Variants in ANK2 observed in about 807,000 individuals in gnomAD.
ANK2 encodes ankyrin-2.
ANK2 carries 83 observed loss-of-function variants against 360.5 expected under a neutral mutation model. The ratio of observed to expected loss-of-function variants is 0.23; its 90% CI spans 0.19 to 0.28. The LOEUF is 0.28. Ranked by LOEUF, ANK2 falls within the 10% of genes least tolerant of loss-of-function variation. The pLI, the probability that ANK2 is intolerant of heterozygous loss-of-function variation, is 1.00. For missense variants in ANK2, 4,201 were observed against 4,795.7 expected, an observed-to-expected ratio of 0.88 and a Z score of 3.66; for synonymous variants, 1,740 against 1,759.5, an observed-to-expected ratio of 0.99 and a Z score of 0.28.
At chr4:113,232,908 A>G (rs964885050) in intron 5 of ANK2, among the ~76,000 whole-genome samples, 1 of 151,768 alleles carries the variant, frequency 6.6e-6, no homozygotes, top group African/African-American at 2.4e-5. Context: ...TTTCCCTCTC[A>G]TTTTTGCTTA....
chr4:113,077,486 G>C (rs1189489432), intron 1 of ANK2, among the ~76,000 whole-genome samples: 1 of 152,110 alleles, frequency 6.6e-6, no homozygotes, highest in Non-Finnish European at 1.5e-5. Context: ...GTTGTTTTAA[G>C]AGTGGTTCAG....
intron 1 of ANK2, among the ~76,000 whole-genome samples, chr4:113,166,715 A>G (rs1464060040): frequency 6.6e-6 from 1 of 152,072 alleles, no homozygotes; most frequent in Non-Finnish European, 1.5e-5. Context: ...ATGAGTATTC[A>G]GAACTTTTTA....
At chr4:113,225,452 T>A (rs1416459005) in intron 4 of ANK2, among the ~76,000 whole-genome samples, 1 of 152,170 alleles carries the variant, frequency 6.6e-6, no homozygotes, top group East Asian at 1.9e-4. Flanking sequence ...TATATTAAGA[T>A]AAAAGTAATT....
At chr4:112,832,065 C>T (rs565917806) in intron 1 of ANK2, among the ~76,000 whole-genome samples, 2 of 152,144 alleles carry the variant, frequency 1.3e-5, no homozygotes, top group African/African-American at 2.4e-5. Flanking sequence ...CCACCAATTC[C>T]GGACACAAGA....
At chr4:113,296,842 G>A (rs184683905) in intron 22 of ANK2, among the ~76,000 whole-genome samples, 3 of 152,020 alleles carry the variant, frequency 2.0e-5, no homozygotes, top group Non-Finnish European at 4.4e-5. Context: ...TCATCCTTCC[G>A]CTAATTGATC....
intron 31 of ANK2, among the ~76,000 whole-genome samples, chr4:113,338,543 CTTTTTTTTTTT>C (rs71582166): frequency 2.5e-4 from 24 of 96,108 alleles, no homozygotes; most frequent in African/African-American, 1.0e-3. Context: ...AGATTGTTCA[CTTTTTTTTTTT>C]TTTTTTTTTT....
At chr4:112,788,844 A>G in the ANK2 span, 1 of 875,220 alleles carries the variant, frequency 1.1e-6, no homozygotes, top group South Asian at 1.4e-5. Context: ...GGCCGGAGCC[A>G]CCTTCTTTCC....
intron 5 of ANK2, among the ~76,000 whole-genome samples, 162 bp from the exon 6 acceptor site, chr4:113,236,825 A>G (rs1007001697): frequency 6.6e-6 from 1 of 152,248 alleles, no homozygotes; most frequent in African/African-American, 2.4e-5. Flanking sequence ...ATTCCATAAT[A>G]TGATGGATAA....
In ANK2 at chr4:112,935,678, T is replaced by C. The variant is rs143559932; in HGVS notation, c.21+31164T>C. Among the ~76,000 whole-genome samples the C allele has an allele frequency of 4.7e-4, 72 of 152,064 alleles. No individual in the cohort carries two copies. The East Asian group carries it at 0.013, about 27-fold the overall frequency. On this transcript the variant is annotated intron_variant, in intron 2 of 30. Coordinates refer to the ANK2 transcript ENST00000503271. Reference sequence around the variant, plus strand: ...GCAACATGGCAAAACCCCGTCTTTATAAAAAATACAAAAATTAGTTGGGTG... The same window carrying C: ...GCAACATGGCAAAACCCCGTCTTTACAAAAAATACAAAAATTAGTTGGGTG...
At chr4:112,904,583 T>C (rs921351940) in intron 2 of ANK2, 4 of 1,209,936 alleles carry the variant, frequency 3.3e-6, no homozygotes, top group Non-Finnish European at 4.6e-6. Context: ...AGAATGTAAT[T>C]AAGTACTATT....
At position 112,902,579 on chromosome 4, in the gene ANK2, C is replaced by T. The variant is rs551063584; in HGVS notation, c.-39-1876C>T. 1.2e-4 allele frequency among the ~76,000 whole-genome samples: 18 copies of T among 152,264 alleles called. No individual in the cohort carries two copies. The South Asian group carries it at 2.3e-3, about 19-fold the overall frequency. On this transcript the variant is annotated intron_variant, in intron 1 of 30. Coordinates refer to the ANK2 transcript ENST00000503271. The stretch of plus-strand genomic sequence containing the variant: ...TTATTTCAATTTGATTAGTCTTTTT[C>T]GTAGAAAGTTCTTATGAATGCTTAA...
chr4:113,220,834 A>G (rs1017461992), intron 4 of ANK2, among the ~76,000 whole-genome samples: 1 of 152,266 alleles, frequency 6.6e-6, no homozygotes, highest in Non-Finnish European at 1.5e-5. Context: ...TAAGGAAAAT[A>G]AGGCTAAAAG....
intron 2 of ANK2, among the ~76,000 whole-genome samples, chr4:112,986,214 T>C (rs1194481658): frequency 1.3e-5 from 2 of 151,900 alleles, no homozygotes; most frequent in Non-Finnish European, 2.9e-5. Context: ...TGATAAATTA[T>C]AGCTTCTATA....
At chr4:113,164,772 A>G (rs949943499) in intron 1 of ANK2, among the ~76,000 whole-genome samples, 1 of 152,246 alleles carries the variant, frequency 6.6e-6, no homozygotes, top group Non-Finnish European at 1.5e-5. Flanking sequence ...GACCTAATTC[A>G]GGTTCATGTA....
chr4:112,755,159 T>C, the ANK2 span, among the ~76,000 whole-genome samples: 1 of 152,208 alleles, frequency 6.6e-6, no homozygotes, highest in African/African-American at 2.4e-5. Flanking sequence ...ATCATTAATT[T>C]ATTAAAGAAA....
intron 4 of ANK2, among the ~76,000 whole-genome samples, chr4:113,207,288 T>C (rs116498616): frequency 0.012 from 1,758 of 152,324 alleles, 18 homozygotes; most frequent in Middle Eastern, 0.02. Context: ...ATTCTGAAAT[T>C]TGAATGAATA....
upstream of ANK2, among the ~76,000 whole-genome samples, chr4:113,049,270 G>C (rs1280356854): frequency 6.6e-6 from 1 of 152,124 alleles, no homozygotes; most frequent in Non-Finnish European, 1.5e-5. Context: ...GTAGCCTCTT[G>C]ACTGGCTAAA....
chr4:112,858,113 A>G (rs950775057), intron 1 of ANK2, among the ~76,000 whole-genome samples: 2 of 152,200 alleles, frequency 1.3e-5, no homozygotes, highest in African/African-American at 4.8e-5. Flanking sequence ...TACCATGGAA[A>G]TGACTGTTGT....
At chr4:113,155,284 T>G (rs2097243393) in intron 1 of ANK2, among the ~76,000 whole-genome samples, 1 of 152,206 alleles carries the variant, frequency 6.6e-6, no homozygotes, top group South Asian at 2.1e-4. Context: ...CCACATATTC[T>G]ATACATTTTA....
Sources: allele counts gnomAD v4.1 joint callset (sites outside exome capture counted in the v4.1 genomes callset), GRCh38; gene constraint gnomAD v4.1.1; transcripts MANE v1.5; gene names NCBI Gene and HGNC (gene_info 2026-07-23, HGNC 2026-07-21).